The following CDH18 variants were observed in gnomAD, a reference collection of about 807,000 sequenced individuals.
CDH18 encodes the protein cadherin-18.
A neutral mutation model predicts 67.9 loss-of-function variants in CDH18; 31 were observed. That is an observed-to-expected ratio of 0.46 (90% confidence interval 0.34 to 0.62). CDH18 has a LOEUF of 0.62. CDH18 is among the 20% of genes least tolerant of loss of function. The probability of loss-of-function intolerance (pLI) is 0.01; values close to 1 mark genes in which losing one functional copy is unlikely to be tolerated. For synonymous variants in CDH18, 362 were observed against 347.2 expected (o/e 1.04, Z -0.48); for missense variants, 890 against 975.5 (o/e 0.91, Z 1.17).
At chr5:20,493,393 A>AT (rs66515364) in intron 1 of CDH18, among the ~76,000 whole-genome samples, 108,909 of 119,768 alleles carry the variant, frequency 0.91, 49,911 homozygotes, top group South Asian at 0.97. Context: ...AAAGCAAAGA[A>AT]TTTTTTGTTT....
chr5:20,218,863 T>C (rs1241448899), intron 2 of CDH18, among the ~76,000 whole-genome samples: 1 of 143,722 alleles, frequency 7.0e-6, no homozygotes, highest in Non-Finnish European at 1.5e-5. Context: ...AGCATGAAAA[T>C]GGACTAATAC....
chr5:19,482,632 G>A (rs999479413), intron 12 of CDH18, among the ~76,000 whole-genome samples: 1 of 151,884 alleles, frequency 6.6e-6, no homozygotes, highest in Non-Finnish European at 1.5e-5. Context: ...TTTAAGGTGT[G>A]CAACATGATG....
intron 4 of CDH18, among the ~76,000 whole-genome samples, chr5:19,725,540 C>T (rs1460063156): frequency 1.3e-5 from 2 of 152,114 alleles, no homozygotes; most frequent in South Asian, 2.1e-4. Context: ...GAGGCCGAGG[C>T]GGGTGGATCA....
intron 5 of CDH18, among the ~76,000 whole-genome samples, chr5:19,670,627 T>A (rs1758611863): frequency 6.6e-6 from 1 of 152,118 alleles, no homozygotes; most frequent in Admixed American, 6.6e-5. Flanking sequence ...CGGGTGGAAA[T>A]GGCAATACTT....
At chr5:20,498,616 A>G (rs1754052955) in intron 1 of CDH18, among the ~76,000 whole-genome samples, 1 of 152,102 alleles carries the variant, frequency 6.6e-6, no homozygotes, top group Non-Finnish European at 1.5e-5. Flanking sequence ...CTATATAAAT[A>G]TAATGTTAAA....
chr5:19,590,484 G>GGATA (rs145201697), intron 7 of CDH18, among the ~76,000 whole-genome samples: 18,933 of 149,674 alleles, frequency 0.13, 1,688 homozygotes, highest in African/African-American at 0.26. Context: ...CTAGACAGAT[G>GGATA]GATAGATAGA....
chr5:19,955,352 T>A (rs187086696), intron 2 of CDH18, among the ~76,000 whole-genome samples: 3 of 152,162 alleles, frequency 2.0e-5, no homozygotes, highest in Non-Finnish European at 2.9e-5. Context: ...GTAAAAGGAA[T>A]GAGAATCAAT....
chr5:20,189,030 C>A (rs1273588379), intron 2 of CDH18, among the ~76,000 whole-genome samples: 1 of 151,968 alleles, frequency 6.6e-6, no homozygotes, highest in African/African-American at 2.4e-5. Context: ...TTGAGCATGG[C>A]AATCCCCCAG....
chr5:19,514,214 A>C (rs1010246814), intron 10 of CDH18, among the ~76,000 whole-genome samples: 1 of 152,144 alleles, frequency 6.6e-6, no homozygotes, highest in Admixed American at 6.6e-5. Flanking sequence ...CATGGTGTAT[A>C]TGTGCCACAT....
intron 1 of CDH18, among the ~76,000 whole-genome samples, chr5:20,287,276 G>A (rs1746762751): frequency 6.6e-6 from 1 of 151,600 alleles, no homozygotes; most frequent in South Asian, 2.1e-4. Flanking sequence ...CAGAATCAAT[G>A]GTCTAATCTG....
chr5:19,921,228 T>C (rs1301535038), intron 2 of CDH18, among the ~76,000 whole-genome samples: 1 of 152,030 alleles, frequency 6.6e-6, no homozygotes, highest in African/African-American at 2.4e-5. Context: ...TTTCAAAAAA[T>C]TCCGTTAAAA....
chr5:19,972,742 T>C (rs1401398647), intron 2 of CDH18, among the ~76,000 whole-genome samples: 3 of 151,972 alleles, frequency 2.0e-5, no homozygotes, highest in African/African-American at 7.2e-5. Context: ...AATATATACA[T>C]AACTTATAAC....
intron 2 of CDH18, among the ~76,000 whole-genome samples, chr5:20,161,823 G>A (rs933415958): frequency 6.6e-6 from 1 of 152,250 alleles, no homozygotes; most frequent in South Asian, 2.1e-4. Context: ...CTTTGGTCAG[G>A]TGCCTAGCAG....
At chr5:19,722,656 TG>T (rs1267863626) in intron 4 of CDH18, among the ~76,000 whole-genome samples, 1 of 151,732 alleles carries the variant, frequency 6.6e-6, no homozygotes, top group Non-Finnish European at 1.5e-5. Flanking sequence ...GCAGAATTAG[TG>T]GGTAAGAATG....
rs1355458471 is a variant in CDH18 at position 20,256,967 on chromosome 5, T to TA, written c.-579-1463dup. On this transcript the variant is annotated intron_variant, in intron 1 of 14. Transcript: ENST00000507958. The stretch of plus-strand genomic sequence containing the variant: ...TATCTATCTATCTATCTATCTAATC[T>TA]ATCTATATCTATATCTATATCTATC... Among the ~76,000 whole-genome samples the TA allele has an allele frequency of 8.0e-4, 83 of 103,592 alleles. No individual in the cohort carries two copies. In the South Asian group the frequency reaches 0.024, roughly 30 times the overall value. 68.0% of individuals were successfully genotyped at this position (103,592 alleles called of 152,430 possible). A position where few individuals can be genotyped will look rare whatever the true frequency, so the allele number is the denominator to read the frequency against.
intron 1 of CDH18, among the ~76,000 whole-genome samples, chr5:20,514,278 G>A (rs1396333377): frequency 1.3e-5 from 2 of 151,912 alleles, no homozygotes; most frequent in Non-Finnish European, 2.9e-5. Flanking sequence ...GTCTGACATA[G>A]GCACACTGCA....
At chr5:19,589,037 C>T (rs1414635448) in intron 7 of CDH18, among the ~76,000 whole-genome samples, 1 of 151,910 alleles carries the variant, frequency 6.6e-6, no homozygotes, top group Non-Finnish European at 1.5e-5. Context: ...TCAGCTCTGG[C>T]TCTAGAAGAT....
intron 2 of CDH18, among the ~76,000 whole-genome samples, chr5:20,126,778 C>T (rs114770614): frequency 5.9e-4 from 90 of 152,162 alleles, no homozygotes; most frequent in African/African-American, 2.1e-3. Context: ...TCACCTCATA[C>T]CTGTTAGGAT....
chr5:19,803,010 A>G (rs1777632303), intron 3 of CDH18, among the ~76,000 whole-genome samples: 1 of 152,186 alleles, frequency 6.6e-6, no homozygotes, highest in Non-Finnish European at 1.5e-5. Flanking sequence ...CTTTCTGCCA[A>G]TTGTGAAAAC....
Sources: allele counts gnomAD v4.1 joint callset (sites outside exome capture counted in the v4.1 genomes callset), GRCh38; gene constraint gnomAD v4.1.1; transcripts MANE v1.5; gene names NCBI Gene and HGNC (gene_info 2026-07-23, HGNC 2026-07-21).